Variants in AP2A2 observed in about 807,000 individuals in gnomAD.
The protein encoded by AP2A2 is AP-2 complex subunit alpha-2.
In AP2A2, 32 loss-of-function variants were observed where a neutral mutation model predicts 104.2. The ratio of observed to expected loss-of-function variants is 0.31; its 90% CI spans 0.23 to 0.41. The LOEUF (loss-of-function observed/expected upper bound fraction) is 0.41. AP2A2 is among the 10% of genes least tolerant of loss of function. The probability of loss-of-function intolerance (pLI) is 1.00; values close to 1 mark genes in which losing one functional copy is unlikely to be tolerated. For missense variants in AP2A2, 912 were observed against 1,261.0 expected (o/e 0.72, Z 4.19); for synonymous variants, 539 against 533.3 (o/e 1.01, Z -0.15).
intron 15 of AP2A2, 122 bp downstream of exon 15, chr11:1,000,720 G>C (rs1267592186): frequency 1.7e-5 from 19 of 1,116,394 alleles, no homozygotes; most frequent in African/African-American, 6.3e-5. Flanking sequence ...ATTACTGCCT[G>C]GGGGAGAGAG....
intron 2 of AP2A2, 140 bp from the exon 3 acceptor site, chr11:970,029 C>T (rs7396107): frequency 0.51 from 411,323 of 811,462 alleles, 108,178 homozygotes; most frequent in Admixed American, 0.66. Flanking sequence ...AGCGTCTGCA[C>T]TGCACCTGCC....
chr11:1,010,150 C>T, intron 21 of AP2A2: 1 of 470,302 alleles, frequency 2.1e-6, no homozygotes, highest in Non-Finnish European at 3.8e-6. Flanking sequence ...GGCGGTGGCT[C>T]TCCCAGCTGT....
Position 926,066 on chromosome 11 carries a change from C to T in AP2A2, c.45C>T (p.Val15=). 7.3e-7 allele frequency: 1 copy of T among 1,372,712 alleles called. No individual in the cohort carries two copies. The highest frequency in any genetic ancestry group is 9.5e-7 in the Non-Finnish European group (1 of 1,052,434). The allele number at this position is 1,372,712 out of a possible 1,614,324, so 85.0% of individuals were successfully genotyped here. The change falls in exon 1 of 22, where the codon GTC becomes GTT. Residue 15 remains valine, a synonymous_variant. Transcript: ENST00000448903. The stretch of plus-strand genomic sequence containing the variant: ...GGGACGGGATGCGGGGCCTGGCGGT[C>T]TTCATCTCGGATATCCGCAACTGTG... ...SKGDGMRGLA[V]FISDIRNCKS...
chr11:964,806 A>C (rs1306327171), intron 2 of AP2A2, among the ~76,000 whole-genome samples: 3 of 135,794 alleles, frequency 2.2e-5, no homozygotes, highest in African/African-American at 7.8e-5. Flanking sequence ...GGAAGCGTGG[A>C]AATGGAAAGC....
At position 955,637 on chromosome 11, in the gene AP2A2, C is replaced by T. The variant is rs1014505854; in HGVS notation, c.68-3800C>T. On this transcript the variant is annotated intron_variant, in intron 1 of 21. Transcript: ENST00000448903. ...TGGGACAGTGCTTGGGTCGGGGAGCCGCCACATAGGCACTTGATTTTCCTG... is the reference window on the plus strand; with the variant it reads ...TGGGACAGTGCTTGGGTCGGGGAGCTGCCACATAGGCACTTGATTTTCCTG... Among the ~76,000 whole-genome samples the T allele has an allele frequency of 7.2e-5, 11 of 152,290 alleles. No homozygotes were observed. In the East Asian group the frequency reaches 1.9e-3, roughly 27 times the overall value.
rs1358478232 is a variant in AP2A2, at chr11:959,461, A to G, written c.92A>G (p.Lys31Arg). The G allele has an allele frequency of 2.6e-6, 4 of 1,556,438 alleles. No individual in the cohort carries two copies. The African/African-American group carries it at 5.5e-5, about 21-fold the overall frequency. The change falls in exon 2 of 22, where the codon AAA (lysine) becomes AGA (arginine). Residue 31 changes from lysine (K) to arginine (R), a missense_variant. Transcript: ENST00000448903. ...RNCKSKEAEI[K>R]RINKELANIR... ...GGTAAAAGTAAAGAAGCAGAAATAA[A>G]AAGGATAAACAAGGAACTGGCAAAT...
chr11:991,699 G>A (rs1212120984), intron 10 of AP2A2, among the ~76,000 whole-genome samples: 1 of 143,734 alleles, frequency 7.0e-6, no homozygotes, highest in African/African-American at 2.5e-5. Context: ...TCCAGGCAGG[G>A]ACTTGGGGTG....
In AP2A2 at chr11:968,202, G is replaced by A. The variant is rs771575672; in HGVS notation, c.137-1967G>A. ...GCTGGCGACTTCCGCTGCCCCTCACGGTGCTTATGCAACAGGGGTGGTGTG... is the reference window on the plus strand; with the variant it reads ...GCTGGCGACTTCCGCTGCCCCTCACAGTGCTTATGCAACAGGGGTGGTGTG... On this transcript the variant is annotated intron_variant, in intron 2 of 21. Coordinates refer to ENST00000448903, the MANE Select transcript of AP2A2 (RefSeq NM_012305.4). This position sits in a 1 kb window ranked among gnomAD's most constrained non-coding sequence, Gnocchi z 4.2. Among the ~76,000 whole-genome samples, 2 of 152,204 alleles carry A rather than the reference G, an allele frequency of 1.3e-5. No homozygotes were observed. The highest frequency in any genetic ancestry group is 2.9e-5 in the Non-Finnish European group (2 of 68,042).
intron 1 of AP2A2, chr11:943,334 A>G (rs1404592099): frequency 6.6e-6 from 1 of 152,368 alleles, no homozygotes; most frequent in East Asian, 1.9e-4. Flanking sequence ...TGGGGGCTGC[A>G]TGCACCTGTA....
At chr11:982,481 C>T (rs895299966) in intron 6 of AP2A2, among the ~76,000 whole-genome samples, 2 of 152,018 alleles carry the variant, frequency 1.3e-5, no homozygotes, top group South Asian at 2.1e-4. Context: ...CTGGGTTGTC[C>T]GTTTTTTGTG....
intron 15 of AP2A2, among the ~76,000 whole-genome samples, chr11:1,001,652 C>T (rs1046262182): frequency 6.6e-6 from 1 of 151,854 alleles, no homozygotes; most frequent in Non-Finnish European, 1.5e-5. Flanking sequence ...CTCTTAGAGT[C>T]GCTGTGTTTG....
At chr11:953,552 C>G (rs139635383) in intron 1 of AP2A2, among the ~76,000 whole-genome samples, 2 of 42,876 alleles carry the variant, frequency 4.7e-5, no homozygotes, top group African/African-American at 1.1e-4. Flanking sequence ...AGAGCCCCCC[C>G]CCCCCATTGT....
intron 1 of AP2A2, among the ~76,000 whole-genome samples, chr11:958,212 G>A (rs541040321): frequency 2.6e-5 from 4 of 152,344 alleles, no homozygotes; most frequent in African/African-American, 7.2e-5. Flanking sequence ...GAAAGGCCAC[G>A]TGAGCACACA....
At chr11:957,990 G>C (rs1380278067) in intron 1 of AP2A2, among the ~76,000 whole-genome samples, 1 of 152,234 alleles carries the variant, frequency 6.6e-6, no homozygotes, top group Non-Finnish European at 1.5e-5. Flanking sequence ...CCGTCTTTAA[G>C]GTTCCCTCTA....
intron 1 of AP2A2, among the ~76,000 whole-genome samples, chr11:928,992 C>T (rs765996694): frequency 4.6e-5 from 7 of 152,184 alleles, no homozygotes; most frequent in Admixed American, 1.3e-4. Flanking sequence ...CTCCTCATGG[C>T]GAGCGTCTGG....
At chr11:959,527 C>T (rs1166392284) in intron 2 of AP2A2, 22 bp downstream of exon 2, 1 of 1,457,994 alleles carries the variant, frequency 6.9e-7, no homozygotes, top group Non-Finnish European at 9.5e-7. Context: ...TAACCTTTTC[C>T]ATGAAATGTC....
chr11:957,461 C>T (rs1854275924), intron 1 of AP2A2, among the ~76,000 whole-genome samples: 1 of 152,202 alleles, frequency 6.6e-6, no homozygotes, highest in Non-Finnish European at 1.5e-5. Context: ...GGCAGGGCCC[C>T]TTCAGAAATG....
intron 8 of AP2A2, among the ~76,000 whole-genome samples, chr11:986,304 T>G (rs551100746): frequency 1.3e-5 from 2 of 152,358 alleles, no homozygotes; most frequent in African/African-American, 4.8e-5. Context: ...AACTGAGAGT[T>G]ATTAAAACTG....
chr11:954,063 G>A (rs1854148786), intron 1 of AP2A2, among the ~76,000 whole-genome samples: 1 of 152,124 alleles, frequency 6.6e-6, no homozygotes, highest in Non-Finnish European at 1.5e-5. Context: ...TTGAACTCCT[G>A]ACCTCAGGTG....
Sources: allele counts gnomAD v4.1 joint callset (sites outside exome capture counted in the v4.1 genomes callset), GRCh38; gene constraint gnomAD v4.1.1; non-coding constraint Gnocchi (gnomAD v3.1); transcripts MANE v1.5; gene names NCBI Gene and HGNC (gene_info 2026-07-23, HGNC 2026-07-21).